DPP6: variants seen among roughly 807,000 people sequenced by gnomAD.
DPP6 encodes the protein A-type potassium channel modulatory protein DPP6.
In DPP6, 69 loss-of-function variants were observed where a neutral mutation model predicts 122.6. That is an observed-to-expected ratio of 0.56 (90% CI 0.46 to 0.69). DPP6 has a LOEUF of 0.69. Ranked by LOEUF, DPP6 falls within the 30% of genes least tolerant of loss-of-function variation. DPP6 has a pLI of 0.00. For synonymous variants in DPP6, 418 were observed against 433.1 expected, an observed-to-expected ratio of 0.97 and a Z score of 0.43; for missense variants, 928 against 1,116.9, an observed-to-expected ratio of 0.83 and a Z score of 2.41.
chr7:154,512,647 A>G (rs954769695), intron 3 of DPP6, among the ~76,000 whole-genome samples: 1 of 152,192 alleles, frequency 6.6e-6, no homozygotes, highest in Non-Finnish European at 1.5e-5. Context: ...GGTCCCATAA[A>G]TAAAATCTCA....
intron 1 of DPP6, among the ~76,000 whole-genome samples, chr7:154,377,322 A>C (rs370499274): frequency 9.2e-5 from 14 of 152,284 alleles, no homozygotes; most frequent in Middle Eastern, 3.4e-3. Flanking sequence ...CAGGAAGTGG[A>C]CCACAATGGT....
chr7:153,844,736 G>A, the DPP6 span, among the ~76,000 whole-genome samples: 2 of 152,162 alleles, frequency 1.3e-5, no homozygotes, highest in African/African-American at 2.4e-5. Context: ...TCTATAATCT[G>A]TAGTTGGAAA....
At chr7:153,900,710 C>A (rs1799608696) in intron 1 of DPP6, among the ~76,000 whole-genome samples, 1 of 152,140 alleles carries the variant, frequency 6.6e-6, no homozygotes, top group African/African-American at 2.4e-5. Context: ...CCTTGGGGAT[C>A]AAATTTGAAC....
intron 1 of DPP6, among the ~76,000 whole-genome samples, chr7:153,898,270 C>A (rs895751771): frequency 6.6e-6 from 1 of 152,020 alleles, no homozygotes; most frequent in African/African-American, 2.4e-5. Flanking sequence ...CTGGGCCACA[C>A]AACAAGACGC....
At chr7:154,461,170 T>C (rs1436849831) in intron 2 of DPP6, among the ~76,000 whole-genome samples, 1 of 152,232 alleles carries the variant, frequency 6.6e-6, no homozygotes, top group Non-Finnish European at 1.5e-5. Context: ...TCCAGTTTCA[T>C]TCATGTTGTT....
chr7:153,950,382 A>G (rs766186196), intron 1 of DPP6, among the ~76,000 whole-genome samples: 8 of 152,134 alleles, frequency 5.3e-5, no homozygotes, highest in Non-Finnish European at 8.8e-5. Flanking sequence ...TGGACTAGGA[A>G]TTGGAAGCCT....
rs574224318 is a variant in DPP6 at position 154,394,337 on chromosome 7, A to G, written c.244-51877A>G. Among the ~76,000 whole-genome samples, 5 of 152,214 alleles carry G rather than the reference A, an allele frequency of 3.3e-5. No homozygotes were observed. In the South Asian group the frequency reaches 8.3e-4, roughly 25 times the overall value. On this transcript the variant is annotated intron_variant, in intron 1 of 25. Transcript: ENST00000377770. ...GGTTTTGATTTGCATTTCCCTAATG[A>G]TTAGTGGTGTTGAGCATCATTTCAT...
intron 11 of DPP6, among the ~76,000 whole-genome samples, chr7:154,795,020 T>C (rs1252634916): frequency 6.6e-6 from 1 of 152,094 alleles, no homozygotes; most frequent in Non-Finnish European, 1.5e-5. Context: ...TGATTGTTTC[T>C]AAGGTGGTCA....
chr7:154,103,309 C>T (rs1426122094), intron 1 of DPP6, among the ~76,000 whole-genome samples: 3 of 152,160 alleles, frequency 2.0e-5, no homozygotes, highest in African/African-American at 7.2e-5. Flanking sequence ...ATTAGGTTCT[C>T]CTAAAACATC....
chr7:153,839,457 C>T, the DPP6 span, among the ~76,000 whole-genome samples: 68,033 of 151,890 alleles, frequency 0.45, 16,374 homozygotes, highest in Admixed American at 0.54. Flanking sequence ...AGCTGATGGA[C>T]CCTGAACGCT....
intron 5 of DPP6, among the ~76,000 whole-genome samples, chr7:154,612,560 A>G (rs938358896): frequency 6.6e-6 from 1 of 152,220 alleles, no homozygotes; most frequent in African/African-American, 2.4e-5. Flanking sequence ...ATTTATGGAT[A>G]TCTGGGTTTA....
the DPP6 span, among the ~76,000 whole-genome samples, chr7:153,798,185 T>C: frequency 4.6e-4 from 70 of 152,216 alleles, no homozygotes; most frequent in South Asian, 5.2e-3. Flanking sequence ...CATGGGAGCC[T>C]CACCTTCATG....
chr7:154,453,494 T>C (rs1284178996), intron 2 of DPP6, among the ~76,000 whole-genome samples: 1 of 151,060 alleles, frequency 6.6e-6, no homozygotes, highest in East Asian at 1.9e-4. Flanking sequence ...AAACATTTTA[T>C]TGAAGAAGGA....
At chr7:153,908,977 C>T (rs995628638) in intron 1 of DPP6, among the ~76,000 whole-genome samples, 1 of 152,154 alleles carries the variant, frequency 6.6e-6, no homozygotes, top group African/African-American at 2.4e-5. Context: ...CGGTCTCGAA[C>T]TCCTAACCTC....
intron 1 of DPP6, chr7:154,094,960 C>G (rs1805219180): frequency 6.6e-6 from 1 of 152,290 alleles, no homozygotes; most frequent in Non-Finnish European, 1.5e-5. Flanking sequence ...GACTTCCTGG[C>G]CATCTCCTTT....
chr7:154,463,884 A>T (rs2151323478), intron 2 of DPP6, among the ~76,000 whole-genome samples: 1 of 152,160 alleles, frequency 6.6e-6, no homozygotes, highest in East Asian at 1.9e-4. Flanking sequence ...AGAGGGAAAG[A>T]GTCTCTCCTA....
intron 1 of DPP6, among the ~76,000 whole-genome samples, chr7:154,083,382 C>T (rs73729275): frequency 0.071 from 10,790 of 152,068 alleles, 496 homozygotes; most frequent in Middle Eastern, 0.14. Context: ...TCTTATTTAT[C>T]TCTCTTCAGG....
intron 3 of DPP6, among the ~76,000 whole-genome samples, chr7:154,517,168 A>G (rs948706745): frequency 6.6e-6 from 1 of 152,186 alleles, no homozygotes; most frequent in Non-Finnish European, 1.5e-5. Context: ...CTCCCCTGGC[A>G]GGACTGGACA....
rs1395826553 is a variant in DPP6, at chr7:154,241,884, A to C, written c.243+188821A>C. ...CTTTTCCACCCACCCCTACCCCAAC[A>C]CTCATCCTACTTACCTTCCTCTGGC... On this transcript the variant is annotated intron_variant, in intron 1 of 25. Transcript: ENST00000377770. This position sits in a 1 kb window ranked among gnomAD's most constrained non-coding sequence, Gnocchi z 9.0. Among the ~76,000 whole-genome samples the C allele has an allele frequency of 6.6e-6, 1 of 151,850 alleles. No homozygotes were observed. Among genetic ancestry groups the C allele is most frequent in the Non-Finnish European group, 1.5e-5 (1 of 67,970 alleles).
Sources: gnomAD v4.1 joint callset for allele counts (sites outside exome capture counted in the v4.1 genomes callset) on GRCh38, gnomAD v4.1.1 for gene constraint, Gnocchi (gnomAD v3.1) non-coding constraint, MANE v1.5 for transcripts, NCBI Gene and HGNC (gene_info 2026-07-23, HGNC 2026-07-21) for gene names.